CCDC9: variants seen among roughly 807,000 people sequenced by gnomAD.
CCDC9 encodes coiled-coil domain containing 9.
CCDC9 carries 52 observed loss-of-function variants against 65.6 expected under a neutral mutation model. That is an observed-to-expected ratio of 0.79 (90% CI 0.63 to 1.00). The LOEUF (loss-of-function observed/expected upper bound fraction) is 1.00. Ranked by LOEUF, CCDC9 falls within the 50% of genes least tolerant of loss-of-function variation. CCDC9 has a pLI of 0.00. For missense variants in CCDC9, 834 were observed against 757.2 expected, an observed-to-expected ratio of 1.10 and a Z score of -1.19; for synonymous variants, 332 against 280.3, an observed-to-expected ratio of 1.18 and a Z score of -1.84.
downstream of CCDC9, chr19:47,275,382 C>T (rs761642150): frequency 3.3e-6 from 5 of 1,526,790 alleles, no homozygotes; most frequent in Admixed American, 4.1e-5. Context: ...ATCGCCAGCC[C>T]TCGAGAGCTC....
chr19:47,266,555 TA>T, intron 7 of CCDC9, 55 bp from the exon 8 acceptor site: 3 of 1,450,984 alleles, frequency 2.1e-6, no homozygotes, highest in Non-Finnish European at 2.7e-6. Flanking sequence ...CCTCGGGGCT[TA>T]GGGGCGGGGT....
At chr19:47,275,467 G>A, downstream of CCDC9, 2 of 1,360,260 alleles carry the variant, frequency 1.5e-6, no homozygotes, top group Non-Finnish European at 1.9e-6. Context: ...CAGCGTCTCT[G>A]GAGCCGTCAT....
At chr19:47,258,222 G>A (rs2059023372) in intron 1 of CCDC9, 108 bp from the exon 2 acceptor site, 1 of 642,244 alleles carries the variant, frequency 1.6e-6, no homozygotes. Flanking sequence ...CAATTCTCTT[G>A]GGGTACAGGG....
chr19:47,261,908 C>CT (rs946340835), intron 5 of CCDC9, among the ~76,000 whole-genome samples: 1 of 151,408 alleles, frequency 6.6e-6, no homozygotes, highest in African/African-American at 2.4e-5. Context: ...GTAATCCCAG[C>CT]TACTCGGGAG....
At chr19:47,270,012 A>G (rs1178634956) in intron 8 of CCDC9, among the ~76,000 whole-genome samples, 1 of 150,478 alleles carries the variant, frequency 6.6e-6, no homozygotes, top group African/African-American at 2.5e-5. Flanking sequence ...TCTGTCACCC[A>G]GGCTCGAGTA....
downstream of CCDC9, chr19:47,273,247 C>G: frequency 1.7e-6 from 1 of 592,842 alleles, no homozygotes; most frequent in Non-Finnish European, 2.5e-6. Flanking sequence ...CCTGCTGTGG[C>G]AAGGGCTCGA....
chr19:47,269,481 G>C (rs1018864359), intron 8 of CCDC9, among the ~76,000 whole-genome samples: 5 of 152,086 alleles, frequency 3.3e-5, no homozygotes, highest in African/African-American at 1.2e-4. Context: ...CTCCCGAGTA[G>C]CTGAGATTAC....
intron 1 of CCDC9, 51 bp from the exon 2 acceptor site, chr19:47,258,279 A>T (rs1457203240): frequency 2.0e-6 from 2 of 978,730 alleles, no homozygotes; most frequent in Non-Finnish European, 3.3e-6. Flanking sequence ...TAGAGGGTGA[A>T]GTAGGTTGGG....
chr19:47,275,414 AC>A (rs376459125), downstream of CCDC9: 2 of 1,499,386 alleles, frequency 1.3e-6, no homozygotes, highest in African/African-American at 2.9e-5. Flanking sequence ...CCGAGGATGC[AC>A]CGTCTCTGGA....
chr19:47,266,855 C>A, intron 8 of CCDC9, 63 bp downstream of exon 8: 1 of 1,532,566 alleles, frequency 6.5e-7, no homozygotes, highest in Admixed American at 2.0e-5. Context: ...ACTTCTAAGT[C>A]CTATGCCTCT....
intron 7 of CCDC9, among the ~76,000 whole-genome samples, chr19:47,265,546 C>T (rs1467822078): frequency 3.9e-5 from 6 of 152,016 alleles, no homozygotes; most frequent in East Asian, 3.9e-4. Flanking sequence ...CTAAATTGTC[C>T]GTCTGTTGGT....
At chr19:47,258,037 G>A in intron 1 of CCDC9, 2 of 327,602 alleles carry the variant, frequency 6.1e-6, no homozygotes, top group Admixed American at 4.7e-5. Context: ...GCCTTTGGAG[G>A]AGAGCAGTGT....
At chr19:47,261,395 C>A (rs2059044848) in intron 5 of CCDC9, among the ~76,000 whole-genome samples, 1 of 152,130 alleles carries the variant, frequency 6.6e-6, no homozygotes, top group African/African-American at 2.4e-5. Flanking sequence ...ACCTCACTCA[C>A]CCCTGACGTG....
In CCDC9 at chr19:47,261,870, A is replaced by G. The variant is rs548255448; in HGVS notation, c.462+1031A>G. 5.3e-5 allele frequency among the ~76,000 whole-genome samples: 8 copies of G among 151,050 alleles called. No homozygotes were observed. In the South Asian group the frequency reaches 1.7e-3, roughly 32 times the overall value. The stretch of plus-strand genomic sequence containing the variant: ...ACCCCATCTCTACTAAAAGTACAAA[A>G]ATTAGCCGGGTGTGGTGGCACACGC... On this transcript the variant is annotated intron_variant, in intron 5 of 11. Transcript: ENST00000221922.
At chr19:47,272,194 C>T (rs907297752), downstream of CCDC9, 120 of 1,212,642 alleles carry the variant, frequency 9.9e-5, 1 homozygote, top group South Asian at 1.7e-4. Context: ...GGATGGAGGC[C>T]GCTGCTTCCT....
At chr19:47,268,867 G>A (rs905241166) in intron 8 of CCDC9, among the ~76,000 whole-genome samples, 23 of 149,690 alleles carry the variant, frequency 1.5e-4, no homozygotes, top group African/African-American at 4.4e-4. Flanking sequence ...GCAGTGAGCC[G>A]AGATCTCACC....
chr19:47,266,871 GT>G, intron 8 of CCDC9, 79 bp downstream of exon 8: 6 of 1,504,134 alleles, frequency 4.0e-6, no homozygotes, highest in Non-Finnish European at 4.5e-6. Flanking sequence ...CCTCTCTCTG[GT>G]TTTTCCTGCT....
downstream of CCDC9, chr19:47,275,231 A>AC: frequency 6.5e-7 from 1 of 1,531,262 alleles, no homozygotes; most frequent in South Asian, 1.2e-5. Context: ...GCGGGCCGCG[A>AC]CCCCAGCTCC....
chr19:47,266,672 G>A lies in CCDC9; in HGVS notation c.782G>A (p.Arg261Gln), dbSNP rs1469402072. The A allele has an allele frequency of 4.4e-6, 7 of 1,603,864 alleles. No homozygotes were observed. Among genetic ancestry groups the A allele is most frequent in the South Asian group, 1.1e-5 (1 of 89,322 alleles). Reference protein sequence around the residue: ...DMTLSMTGRERSEYLRWKQER... With the variant: ...DMTLSMTGREQSEYLRWKQER... ...ACGTTGTCCATGACGGGCCGGGAGC[G>A]GTCGGAGTACCTGCGCTGGAAGCAG... Residue 261 changes from arginine (R) to glutamine (Q), a missense_variant, in exon 8 of 12, where the codon CGG (arginine) becomes CAG (glutamine). Transcript: ENST00000221922.
Sources: allele counts gnomAD v4.1 joint callset (sites outside exome capture counted in the v4.1 genomes callset), GRCh38; gene constraint gnomAD v4.1.1; transcripts MANE v1.5; gene names NCBI Gene and HGNC (gene_info 2026-07-23, HGNC 2026-07-21).